GADL1: variants seen among roughly 807,000 people sequenced by gnomAD.
The protein encoded by GADL1 is acidic amino acid decarboxylase GADL1.
Under a neutral mutation model 69.5 loss-of-function variants are expected in GADL1, and 71 were observed. The ratio of observed to expected loss-of-function variants is 1.02; its 90% CI spans 0.84 to 1.25. GADL1 has a LOEUF of 1.25. Ranked by LOEUF, GADL1 falls within the 50% of genes most tolerant of loss-of-function variation. The pLI is 0.00. For missense variants in GADL1, 737 were observed against 631.8 expected, an observed-to-expected ratio of 1.17 and a Z score of -1.79; for synonymous variants, 254 against 214.4, an observed-to-expected ratio of 1.18 and a Z score of -1.62.
intron 1 of GADL1, among the ~76,000 whole-genome samples, chr3:30,892,143 A>G (rs769452869): frequency 6.6e-6 from 1 of 152,234 alleles, no homozygotes; most frequent in Non-Finnish European, 1.5e-5. Context: ...AATCTGATAT[A>G]ACTAATTGCT....
intron 11 of GADL1, among the ~76,000 whole-genome samples, chr3:30,806,061 C>A (rs1021178765): frequency 6.6e-6 from 1 of 151,896 alleles, no homozygotes; most frequent in African/African-American, 2.4e-5. Context: ...AGGTCTGTGG[C>A]CTGGGTGGGA....
At chr3:30,730,146 G>A (rs1695434007) in intron 14 of GADL1, among the ~76,000 whole-genome samples, 1 of 152,114 alleles carries the variant, frequency 6.6e-6, no homozygotes, top group Non-Finnish European at 1.5e-5. Context: ...AGTTGATGCT[G>A]GAAGCCAGAA....
intron 11 of GADL1, among the ~76,000 whole-genome samples, chr3:30,819,929 T>C (rs965637705): frequency 6.6e-6 from 1 of 152,000 alleles, no homozygotes; most frequent in Non-Finnish European, 1.5e-5. Context: ...CACAGAATTA[T>C]CTACCCCAAA....
intron 11 of GADL1, among the ~76,000 whole-genome samples, chr3:30,828,132 C>T (rs1021537664): frequency 6.6e-6 from 1 of 151,834 alleles, no homozygotes; most frequent in African/African-American, 2.4e-5. Context: ...GAAAAGAAAT[C>T]CCCACAAAAG....
chr3:30,737,277 G>A (rs1482776423), intron 14 of GADL1, among the ~76,000 whole-genome samples: 1 of 152,118 alleles, frequency 6.6e-6, no homozygotes, highest in Non-Finnish European at 1.5e-5. Flanking sequence ...GAGGAGTTTA[G>A]TAAAGGAAAA....
chr3:30,858,898 G>T (rs1698272721), intron 2 of GADL1, among the ~76,000 whole-genome samples: 1 of 151,916 alleles, frequency 6.6e-6, no homozygotes, highest in Non-Finnish European at 1.5e-5. Context: ...CCTGTGGAGG[G>T]CACGCCAGAG....
chr3:30,755,508 T>G (rs1488014268), intron 14 of GADL1, among the ~76,000 whole-genome samples: 2 of 152,206 alleles, frequency 1.3e-5, no homozygotes, highest in African/African-American at 4.8e-5. Flanking sequence ...CTTCTCCCCC[T>G]AAGGAATTTC....
chr3:30,781,419 A>G lies in GADL1; in HGVS notation c.1303-3151T>C, dbSNP rs116392665. 5.6e-3 allele frequency among the ~76,000 whole-genome samples: 850 copies of G among 152,338 alleles called. 6 individuals carry two copies. Among genetic ancestry groups the G allele is most frequent in the African/African-American group, 0.02 (818 of 41,590 alleles). On this transcript the variant is annotated intron_variant, in intron 13 of 14. Coordinates refer to ENST00000282538, the MANE Select transcript of GADL1 (RefSeq NM_207359.3). ...CTTTACAATGTCATTAGATCAGAATAATAGGTAACAAAAGCTAAAGCTAGC... is the reference window on the plus strand; with the variant it reads ...CTTTACAATGTCATTAGATCAGAATGATAGGTAACAAAAGCTAAAGCTAGC...
At chr3:30,774,146 G>A (rs1236444010) in intron 14 of GADL1, among the ~76,000 whole-genome samples, 4 of 152,114 alleles carry the variant, frequency 2.6e-5, no homozygotes, top group Non-Finnish European at 5.9e-5. Context: ...GGAAATTTGG[G>A]TAAATGTTTC....
At chr3:30,771,560 A>T (rs1696420217) in intron 14 of GADL1, among the ~76,000 whole-genome samples, 2 of 152,112 alleles carry the variant, frequency 1.3e-5, no homozygotes, top group Non-Finnish European at 2.9e-5. Flanking sequence ...TTTAAACATA[A>T]ATTTTAAAGT....
intron 14 of GADL1, among the ~76,000 whole-genome samples, chr3:30,771,084 TGTTG>T (rs1696410299): frequency 6.6e-6 from 1 of 152,112 alleles, no homozygotes; most frequent in Admixed American, 6.5e-5. Context: ...TGGAACTTTT[TGTTG>T]GTTGGAATTG....
intron 4 of GADL1, among the ~76,000 whole-genome samples, chr3:30,854,285 TGA>T (rs1271958049): frequency 3.9e-5 from 6 of 152,150 alleles, no homozygotes; most frequent in Admixed American, 3.9e-4. Flanking sequence ...TTCCTTCAGA[TGA>T]GAGTTTGGAT....
intron 6 of GADL1, among the ~76,000 whole-genome samples, chr3:30,846,322 A>G (rs1055687334): frequency 1.4e-4 from 22 of 152,164 alleles, no homozygotes; most frequent in Admixed American, 1.2e-3. Flanking sequence ...ACAGAAGACG[A>G]AAAAAACTCT....
intron 1 of GADL1, among the ~76,000 whole-genome samples, chr3:30,891,975 A>G (rs1192968999): frequency 2.6e-5 from 4 of 152,190 alleles, no homozygotes; most frequent in African/African-American, 9.7e-5. Context: ...TTTTTGACCC[A>G]CCATGAAAAC....
chr3:30,829,768 CTGA>C (rs1697754743), intron 11 of GADL1, among the ~76,000 whole-genome samples: 2 of 151,842 alleles, frequency 1.3e-5, no homozygotes, highest in Admixed American at 1.3e-4. Context: ...TTGCTAGGCA[CTGA>C]CAACACAGTG....
chr3:30,813,973 G>A (rs564011540), intron 11 of GADL1, among the ~76,000 whole-genome samples: 1 of 152,266 alleles, frequency 6.6e-6, no homozygotes, highest in Non-Finnish European at 1.5e-5. Flanking sequence ...TATTTGTTCA[G>A]GCAGAAAGAG....
intron 3 of GADL1, among the ~76,000 whole-genome samples, chr3:30,855,318 C>A (rs1044841382): frequency 2.0e-5 from 3 of 152,030 alleles, no homozygotes; most frequent in Non-Finnish European, 4.4e-5. Flanking sequence ...AACCAGAACC[C>A]TTAAATAATT....
chr3:30,835,038 G>T (rs1389333053), intron 9 of GADL1, among the ~76,000 whole-genome samples: 1 of 152,068 alleles, frequency 6.6e-6, no homozygotes, highest in Non-Finnish European at 1.5e-5. Context: ...GGACTAGCTT[G>T]GGCTGTATTG....
chr3:30,732,064 G>A (rs1390900786), intron 14 of GADL1, among the ~76,000 whole-genome samples: 1 of 152,198 alleles, frequency 6.6e-6, no homozygotes, highest in Non-Finnish European at 1.5e-5. Flanking sequence ...CTCACTAACA[G>A]TCAGCTTATC....
Sources: gnomAD v4.1 joint callset for allele counts (sites outside exome capture counted in the v4.1 genomes callset) on GRCh38, gnomAD v4.1.1 for gene constraint, MANE v1.5 for transcripts, NCBI Gene and HGNC (gene_info 2026-07-23, HGNC 2026-07-21) for gene names.